The following MIGA1 variants were observed in gnomAD, a reference collection of about 807,000 sequenced individuals.
MIGA1 encodes the protein mitoguardin 1, also known as family with sequence similarity 73, member A.
MIGA1 carries 58 observed loss-of-function variants against 82.0 expected under a neutral mutation model. The observed-to-expected ratio is 0.71, with a 90% CI of 0.57 to 0.88. The LOEUF is 0.88. MIGA1 is among the 40% of genes least tolerant of loss of function. The probability of loss-of-function intolerance (pLI) is 0.00; values close to 1 mark genes in which losing one functional copy is unlikely to be tolerated. For missense variants in MIGA1, 751 were observed against 749.1 expected (o/e 1.00, Z -0.03); for synonymous variants, 249 against 253.6 (o/e 0.98, Z 0.17).
chr1:77,812,298 A>G (rs1683372747), intron 5 of MIGA1, among the ~76,000 whole-genome samples: 1 of 152,128 alleles, frequency 6.6e-6, no homozygotes. Context: ...GTGAAACCCC[A>G]TCTCTACTAA....
chr1:77,817,759 T>G (rs1399716216), intron 7 of MIGA1, among the ~76,000 whole-genome samples: 1 of 152,182 alleles, frequency 6.6e-6, no homozygotes, highest in African/African-American at 2.4e-5. Flanking sequence ...TACATTTAAC[T>G]TACTGAGAGG....
At chr1:77,832,521 G>A (rs1300730533) in intron 7 of MIGA1, among the ~76,000 whole-genome samples, 1 of 152,190 alleles carries the variant, frequency 6.6e-6, no homozygotes, top group Non-Finnish European at 1.5e-5. Context: ...TATTCATGGA[G>A]CGGGGCTCAT....
intron 6 of MIGA1, among the ~76,000 whole-genome samples, chr1:77,814,080 T>G (rs1210428976): frequency 6.6e-6 from 1 of 151,914 alleles, no homozygotes; most frequent in African/African-American, 2.4e-5. Flanking sequence ...GTAAAGATGG[T>G]GTCTCACTAT....
At chr1:77,798,425 G>A (rs888963755) in intron 2 of MIGA1, among the ~76,000 whole-genome samples, 1 of 152,176 alleles carries the variant, frequency 6.6e-6, no homozygotes, top group African/African-American at 2.4e-5. Flanking sequence ...CACAATTATG[G>A]TAGAAGGCAA....
At chr1:77,871,702 A>G (rs1646837408) in intron 14 of MIGA1, among the ~76,000 whole-genome samples, 1 of 152,218 alleles carries the variant, frequency 6.6e-6, no homozygotes, top group Non-Finnish European at 1.5e-5. Context: ...AAACACAGCT[A>G]TATTGACTAA....
At chr1:77,798,759 A>C (rs1682761191) in intron 2 of MIGA1, among the ~76,000 whole-genome samples, 1 of 152,238 alleles carries the variant, frequency 6.6e-6, no homozygotes, top group Non-Finnish European at 1.5e-5. Context: ...ACCCTAATCC[A>C]GTATGGTCTC....
intron 8 of MIGA1, chr1:77,847,810 G>C: frequency 5.0e-6 from 8 of 1,602,928 alleles, no homozygotes; most frequent in Middle Eastern, 1.7e-4. Flanking sequence ...TCAAAAAACG[G>C]AATACCACAA....
At position 77,848,998 on chromosome 1, in the gene MIGA1, T is replaced by C. The variant is rs149223987; in HGVS notation, c.996+5591T>C. On this transcript the variant is annotated intron_variant, in intron 8 of 15. Transcript: ENST00000370791. ...ATGTGGATGTTTGGCTGAATTTATA[T>C]AGAGTATGTACTTATCAATACCACA... 3.5e-4 allele frequency among the ~76,000 whole-genome samples: 54 copies of C among 152,336 alleles called. 1 individual carries two copies. In the East Asian group the frequency reaches 0.01, roughly 28 times the overall value.
intron 2 of MIGA1, among the ~76,000 whole-genome samples, chr1:77,784,115 T>C (rs1682043164): frequency 6.6e-6 from 1 of 152,250 alleles, no homozygotes; most frequent in Non-Finnish European, 1.5e-5. Flanking sequence ...AATGCTGCTA[T>C]AAACATGGAC....
At chr1:77,813,943 A>G (rs1683474008) in intron 6 of MIGA1, 76 bp downstream of exon 6, 1 of 1,503,280 alleles carries the variant, frequency 6.7e-7, no homozygotes, top group Non-Finnish European at 9.1e-7. Context: ...TGGTAGAGGT[A>G]GGGTCTCACT....
At chr1:77,852,783 T>TA (rs1685102739) in intron 8 of MIGA1, among the ~76,000 whole-genome samples, 1 of 152,108 alleles carries the variant, frequency 6.6e-6, no homozygotes, top group African/African-American at 2.4e-5. Flanking sequence ...CTCCACCTCC[T>TA]AGGTTCAAGT....
chr1:77,786,050 T>A (rs1049076980), intron 2 of MIGA1, among the ~76,000 whole-genome samples: 4 of 152,218 alleles, frequency 2.6e-5, no homozygotes, highest in Non-Finnish European at 5.9e-5. Flanking sequence ...TCTTCTGAAA[T>A]CTAGGTGGAG....
At chr1:77,833,533 C>G (rs759238760) in intron 7 of MIGA1, among the ~76,000 whole-genome samples, 6 of 152,134 alleles carry the variant, frequency 3.9e-5, no homozygotes, top group Non-Finnish European at 8.8e-5. Flanking sequence ...ATTTCTATGT[C>G]CAGGACCATC....
intron 2 of MIGA1, among the ~76,000 whole-genome samples, chr1:77,784,606 G>C (rs1224779946): frequency 6.6e-6 from 1 of 151,880 alleles, no homozygotes; most frequent in Non-Finnish European, 1.5e-5. Context: ...ATAGTGCACA[G>C]TTTTTCCACA....
intron 10 of MIGA1, 52 bp downstream of exon 10, chr1:77,859,438 T>G (rs1462407654): frequency 8.3e-7 from 1 of 1,200,200 alleles, no homozygotes; most frequent in South Asian, 1.2e-5. Flanking sequence ...CCCACCCTCA[T>G]GCTGTAGAGT....
At chr1:77,800,081 T>C (rs138629191) in intron 2 of MIGA1, among the ~76,000 whole-genome samples, 4 of 152,264 alleles carry the variant, frequency 2.6e-5, no homozygotes, top group Admixed American at 2.6e-4. Context: ...TTTTGTTCTT[T>C]AATGGGGATA....
rs545205255 is a variant in MIGA1, at chr1:77,876,947, C to T, written c.*1883C>T. ...AGTAGATGAGATTTGTTGATTTTGC[C>T]CCTAAAACGGGCTTTAGTCATTTTA... is the stretch of plus-strand genomic sequence containing the variant. On this transcript the variant is annotated 3_prime_UTR_variant, in exon 16 of 16. Transcript: ENST00000370791. The T allele has an allele frequency of 1.3e-5, 2 of 152,104 alleles. No homozygotes were observed. The allele number at this position is 152,104 out of a possible 1,614,324, so 9.4% of individuals were successfully genotyped here.
chr1:77,806,755 A>G (rs1449938267), intron 4 of MIGA1, among the ~76,000 whole-genome samples: 6 of 152,232 alleles, frequency 3.9e-5, no homozygotes, highest in Non-Finnish European at 4.4e-5. Context: ...ATTTACATTC[A>G]AAATACTACT....
rs140926521 is a variant in MIGA1, at chr1:77,843,583, A to G, written c.996+176A>G. ...TGAAAATAAGCTCCTACAGGAGCTT[A>G]CACTCTCTTTAAGGAGATGGACCTG... On this transcript the variant is annotated intron_variant, in intron 8 of 15. Transcript: ENST00000370791. Among the ~76,000 whole-genome samples, 753 of 152,374 alleles carry G rather than the reference A, an allele frequency of 4.9e-3. 6 individuals are homozygous for G. Among genetic ancestry groups the G allele is most frequent in the African/African-American group, 0.018 (729 of 41,590 alleles).
Sources: gnomAD v4.1 joint callset for allele counts (sites outside exome capture counted in the v4.1 genomes callset) on GRCh38, gnomAD v4.1.1 for gene constraint, MANE v1.5 for transcripts, NCBI Gene and HGNC (gene_info 2026-07-23, HGNC 2026-07-21) for gene names.